Variants in FAM107B observed in about 807,000 individuals in gnomAD.
FAM107B encodes family with sequence similarity 107 member B, also known as protein FAM107B.
Under a neutral mutation model 31.5 loss-of-function variants are expected in FAM107B, and 21 were observed. The observed-to-expected ratio is 0.67, with a 90% CI of 0.47 to 0.96. FAM107B has a LOEUF of 0.96. FAM107B is among the 40% of genes least tolerant of loss of function. The pLI is 0.00. For missense variants in FAM107B, 452 were observed against 377.1 expected, an observed-to-expected ratio of 1.20 and a Z score of -1.64; for synonymous variants, 157 against 141.5, an observed-to-expected ratio of 1.11 and a Z score of -0.78.
In FAM107B at chr10:14,707,019, G is replaced by A. The variant is rs150481546; in HGVS notation, c.412-39328C>T. On this transcript the variant is annotated intron_variant, in intron 1 of 4. Transcript: ENST00000181796. ...ACGCGCCTGTAGTCCCAGCTACTCA[G>A]GAGTTTGAGGAAGGAGAATTGCTTG... 2.0e-3 allele frequency among the ~76,000 whole-genome samples: 311 copies of A among 152,196 alleles called. 4 individuals carry two copies. The highest frequency in any genetic ancestry group is 0.018 in the East Asian group (93 of 5,172).
At chr10:14,601,104 T>C (rs1253708343) in intron 2 of FAM107B, among the ~76,000 whole-genome samples, 1 of 152,232 alleles carries the variant, frequency 6.6e-6, no homozygotes, top group East Asian at 1.9e-4. Context: ...CCTTATAGTC[T>C]TGTTAACAGC....
At chr10:14,558,295 A>G (rs556763725) in intron 2 of FAM107B, among the ~76,000 whole-genome samples, 154 of 149,036 alleles carry the variant, frequency 1.0e-3, no homozygotes, top group African/African-American at 3.9e-3. Context: ...ACACACATAC[A>G]CGCACACACG....
chr10:14,749,110 G>A (rs1204654183), intron 1 of FAM107B, among the ~76,000 whole-genome samples: 3 of 152,348 alleles, frequency 2.0e-5, no homozygotes, highest in Non-Finnish European at 4.4e-5. Context: ...AGCACCAGAT[G>A]AGACAATCCA....
chr10:14,564,202 C>G (rs1318448083), intron 2 of FAM107B, among the ~76,000 whole-genome samples: 1 of 152,022 alleles, frequency 6.6e-6, no homozygotes, highest in Admixed American at 6.6e-5. Context: ...CAGCAGGTAA[C>G]AGAATGAAGA....
chr10:14,696,664 T>C (rs779888812), intron 1 of FAM107B, among the ~76,000 whole-genome samples: 39 of 152,178 alleles, frequency 2.6e-4, no homozygotes, highest in Admixed American at 1.3e-4. Flanking sequence ...TTCGATTACT[T>C]CTTCAGTGTT....
intron 1 of FAM107B, among the ~76,000 whole-genome samples, chr10:14,716,918 C>T (rs1419720262): frequency 6.6e-6 from 1 of 151,830 alleles, no homozygotes; most frequent in Non-Finnish European, 1.5e-5. Context: ...GGTGAAACCC[C>T]GTCTCTACTA....
chr10:14,720,967 T>G lies in FAM107B; in HGVS notation c.412-53276A>C, dbSNP rs535105243. ...CCATTAATTCATCATTTACATTAGG[T>G]ATTTCTCCCAATGCTATCCCTCCCC... is the stretch of plus-strand genomic sequence containing the variant. On this transcript the variant is annotated intron_variant, in intron 1 of 4. Transcript: ENST00000181796. Among the ~76,000 whole-genome samples, 37 of 152,270 alleles carry G rather than the reference T, an allele frequency of 2.4e-4. No individual in the cohort carries two copies. The South Asian group carries it at 7.5e-3, about 31-fold the overall frequency.
At chr10:14,533,504 GCCTGGGTGACTCGCTCTCCTTTA>G (rs1279094187) in intron 2 of FAM107B, among the ~76,000 whole-genome samples, 4 of 152,196 alleles carry the variant, frequency 2.6e-5, no homozygotes, top group African/African-American at 7.2e-5. Flanking sequence ...CAGCGCTCAA[GCCTGGGTGACTCGCTCTCCTTTA>G]CCTGACTGAC....
intron 3 of FAM107B, among the ~76,000 whole-genome samples, chr10:14,525,297 C>A (rs1412988238): frequency 6.6e-6 from 1 of 152,120 alleles, no homozygotes; most frequent in Non-Finnish European, 1.5e-5. Flanking sequence ...ACAGTATCAC[C>A]CACGAGTAAC....
intron 1 of FAM107B, among the ~76,000 whole-genome samples, chr10:14,729,674 G>A (rs893618315): frequency 5.9e-5 from 9 of 152,120 alleles, no homozygotes; most frequent in Non-Finnish European, 1.0e-4. Flanking sequence ...TTCACCCAGC[G>A]ATCCCATTAC....
intron 1 of FAM107B, among the ~76,000 whole-genome samples, chr10:14,697,201 A>C (rs2131517883): frequency 6.6e-6 from 1 of 152,310 alleles, no homozygotes; most frequent in African/African-American, 2.4e-5. Context: ...AGGAGCTGGA[A>C]AGGGCTGCCA....
chr10:14,582,375 C>CTTTTTTTTTTTTTTTTTTTTTTTTTTT (rs71388188), intron 2 of FAM107B, among the ~76,000 whole-genome samples: 2 of 112,084 alleles, frequency 1.8e-5, no homozygotes, highest in Non-Finnish European at 3.4e-5. Context: ...TTTTTCTTTT[C>CTTTTTTTTTTTTTTTTTTTTTTTTTTT]TTTTTTTTTT....
At chr10:14,526,661 T>C (rs527362645) in intron 3 of FAM107B, among the ~76,000 whole-genome samples, 95 of 152,298 alleles carry the variant, frequency 6.2e-4, no homozygotes, top group African/African-American at 2.2e-3. Context: ...ACTATTCAAC[T>C]AGTAAAGCAT....
chr10:14,522,615 C>T (rs1291339686), intron 3 of FAM107B, among the ~76,000 whole-genome samples: 1 of 152,084 alleles, frequency 6.6e-6, no homozygotes, highest in Non-Finnish European at 1.5e-5. Context: ...GGGGTTTCAC[C>T]ATGTTGGTCA....
At chr10:14,772,130 G>C (rs906533324) in intron 1 of FAM107B, among the ~76,000 whole-genome samples, 1 of 152,046 alleles carries the variant, frequency 6.6e-6, no homozygotes, top group Admixed American at 6.6e-5. Context: ...CTGGGCGGGG[G>C]AGTCATGAGG....
Position 14,661,233 on chromosome 10 carries a change from G to A in FAM107B, c.469+6401C>T, listed in dbSNP as rs374271687. ...TAGTTCTTTACAGCAATGCAAGAAC[G>A]GACTAATTTACCAGAAAAGTGTGAT... On this transcript the variant is annotated intron_variant, in intron 2 of 4. Transcript: ENST00000181796. 2.0e-5 allele frequency among the ~76,000 whole-genome samples: 3 copies of A among 152,154 alleles called. No individual in the cohort carries two copies. The South Asian group carries it at 6.2e-4, about 32-fold the overall frequency.
chr10:14,587,167 T>A (rs1206644902), intron 2 of FAM107B, among the ~76,000 whole-genome samples: 1 of 152,136 alleles, frequency 6.6e-6, no homozygotes. Context: ...CTCACCAAGA[T>A]AAAAGCACTT....
intron 2 of FAM107B, among the ~76,000 whole-genome samples, chr10:14,563,748 G>C (rs1008516731): frequency 6.6e-6 from 1 of 152,162 alleles, no homozygotes; most frequent in African/African-American, 2.4e-5. Flanking sequence ...TGTGAAACTA[G>C]ATTTTCTGCA....
chr10:14,629,425 A>ATT (rs1564606838), intron 2 of FAM107B, among the ~76,000 whole-genome samples: 125 of 4,158 alleles, frequency 0.03, 16 homozygotes, highest in African/African-American at 0.074. Flanking sequence ...TATAATATAT[A>ATT]TAATATATAT....
Sources: allele counts gnomAD v4.1 joint callset (sites outside exome capture counted in the v4.1 genomes callset), GRCh38; gene constraint gnomAD v4.1.1; transcripts MANE v1.5; gene names NCBI Gene and HGNC (gene_info 2026-07-23, HGNC 2026-07-21).